The following STK39 variants were observed in gnomAD, a reference collection of about 807,000 sequenced individuals.
STK39 encodes the protein serine/threonine kinase 39.
In STK39, 20 loss-of-function variants were observed where a neutral mutation model predicts 77.8. That is an observed-to-expected ratio of 0.26 (90% CI 0.18 to 0.37). STK39 has a LOEUF of 0.37. STK39 is among the 10% of genes least tolerant of loss of function. The pLI, the probability that STK39 is intolerant of heterozygous loss-of-function variation, is 1.00. For missense variants in STK39, 479 were observed against 656.5 expected, an observed-to-expected ratio of 0.73 and a Z score of 2.95; for synonymous variants, 246 against 234.1, an observed-to-expected ratio of 1.05 and a Z score of -0.47.
chr2:168,182,167 A>T (rs1458499096), intron 1 of STK39, 77 bp from the exon 2 acceptor site: 5 of 1,263,216 alleles, frequency 4.0e-6, no homozygotes, highest in Non-Finnish European at 5.7e-6. Flanking sequence ...TTTCCTAAAG[A>T]TCAATTTTTT....
intron 14 of STK39, among the ~76,000 whole-genome samples, chr2:168,026,449 A>G (rs532230625): frequency 6.6e-6 from 1 of 152,344 alleles, no homozygotes; most frequent in South Asian, 2.1e-4. Flanking sequence ...AAGGAGATTA[A>G]GTGGCTTGTC....
chr2:168,187,648 T>C (rs1574539036), intron 1 of STK39, among the ~76,000 whole-genome samples: 1 of 152,376 alleles, frequency 6.6e-6, no homozygotes. Flanking sequence ...ACTGGTGTCC[T>C]GTCAATCTGT....
chr2:168,072,724 T>C (rs1239966094), intron 12 of STK39, among the ~76,000 whole-genome samples: 1 of 152,224 alleles, frequency 6.6e-6, no homozygotes, highest in African/African-American at 2.4e-5. Flanking sequence ...AATAAAATAC[T>C]TCATGCTTTG....
At chr2:168,223,013 T>C (rs1212935691) in intron 1 of STK39, among the ~76,000 whole-genome samples, 1 of 152,194 alleles carries the variant, frequency 6.6e-6, no homozygotes, top group Admixed American at 6.5e-5. Flanking sequence ...ATTCATGATC[T>C]TTAATCCTTA....
chr2:168,153,873 G>A (rs1378005110), intron 5 of STK39, among the ~76,000 whole-genome samples: 1 of 152,160 alleles, frequency 6.6e-6, no homozygotes, highest in African/African-American at 2.4e-5. Context: ...GCCACCTTAA[G>A]GATTTTGACT....
At chr2:168,000,370 CT>C (rs1390858861) in intron 16 of STK39, among the ~76,000 whole-genome samples, 1 of 152,092 alleles carries the variant, frequency 6.6e-6, no homozygotes. Context: ...TTTTCTTTTT[CT>C]TTTTAAAAGA....
At chr2:168,066,665 T>C (rs757702621) in intron 12 of STK39, among the ~76,000 whole-genome samples, 1 of 152,212 alleles carries the variant, frequency 6.6e-6, no homozygotes, top group African/African-American at 2.4e-5. Flanking sequence ...AAACTTCTCT[T>C]TCCCCTGGGA....
In STK39 at chr2:168,247,539, C is replaced by CCGCG; in HGVS notation, c.-105_-104insCGCG. On this transcript the variant is annotated 5_prime_UTR_variant, in exon 1 of 18. Coordinates refer to ENST00000355999, the MANE Select transcript of STK39 (RefSeq NM_013233.3). ...ACACCTCTCGGCCGGCGCACGCCCT[C>CCGCG]CCCGCCCGCCGCCGCCGCCGCCGTC... 1 of 955,128 alleles carries CCGCG rather than the reference C, an allele frequency of 1.0e-6. No individual in the cohort carries two copies. Among genetic ancestry groups the CCGCG allele is most frequent in the Non-Finnish European group, 1.3e-6 (1 of 777,016 alleles). 59.2% of individuals were successfully genotyped at this position (955,128 alleles called of 1,614,324 possible). A position where few individuals can be genotyped will look rare whatever the true frequency, so the allele number is the denominator to read the frequency against.
chr2:168,115,119 C>T (rs1280870790), intron 10 of STK39, among the ~76,000 whole-genome samples: 1 of 152,142 alleles, frequency 6.6e-6, no homozygotes, highest in Non-Finnish European at 1.5e-5. Flanking sequence ...TACTGAAAGT[C>T]TCAAGGTTGC....
chr2:168,032,804 C>T (rs968899714), intron 14 of STK39, among the ~76,000 whole-genome samples: 2 of 152,208 alleles, frequency 1.3e-5, no homozygotes, highest in African/African-American at 4.8e-5. Flanking sequence ...ATAAGAGGGC[C>T]CTTTCCCCGA....
At chr2:168,031,765 T>C (rs1216475687) in intron 14 of STK39, among the ~76,000 whole-genome samples, 2 of 152,216 alleles carry the variant, frequency 1.3e-5, no homozygotes, top group African/African-American at 2.4e-5. Context: ...CGTAGACTTC[T>C]AGGCGCCAGA....
intron 1 of STK39, among the ~76,000 whole-genome samples, chr2:168,213,247 T>C (rs919469056): frequency 2.0e-5 from 3 of 152,238 alleles, no homozygotes; most frequent in Non-Finnish European, 4.4e-5. Context: ...AAACTATTTG[T>C]GTAGATTTAA....
intron 16 of STK39, among the ~76,000 whole-genome samples, chr2:167,972,739 C>T (rs1356827764): frequency 6.6e-6 from 1 of 152,104 alleles, no homozygotes; most frequent in African/African-American, 2.4e-5. Context: ...GATATTAAAG[C>T]TTTAACAGCC....
chr2:167,983,665 T>A (rs1009445261), intron 16 of STK39, among the ~76,000 whole-genome samples: 2 of 152,138 alleles, frequency 1.3e-5, no homozygotes, highest in South Asian at 4.2e-4. Context: ...ATTTGAGACA[T>A]CCTTACCCGT....
chr2:168,227,785 G>C (rs888106524), intron 1 of STK39, among the ~76,000 whole-genome samples: 1 of 152,132 alleles, frequency 6.6e-6, no homozygotes, highest in African/African-American at 2.4e-5. Context: ...AGCCTCCCGA[G>C]TAGCTGAGAC....
At chr2:168,014,122 T>A (rs943269801) in intron 15 of STK39, among the ~76,000 whole-genome samples, 23 of 152,196 alleles carry the variant, frequency 1.5e-4, no homozygotes, top group African/African-American at 4.8e-4. Context: ...TATATAGGAA[T>A]CTTACTAAAC....
intron 15 of STK39, among the ~76,000 whole-genome samples, chr2:168,013,820 GTGTGTGTGTGTGTGTA>G (rs1168498428): frequency 6.2e-3 from 452 of 73,342 alleles, no homozygotes; most frequent in Non-Finnish European, 0.014. Context: ...GTGTGTGTGT[GTGTGTGTGTGTGTGTA>G]TGTGTTTGCA....
intron 17 of STK39, among the ~76,000 whole-genome samples, chr2:167,962,094 T>C (rs1346025452): frequency 6.6e-6 from 1 of 152,204 alleles, no homozygotes; most frequent in Non-Finnish European, 1.5e-5. Flanking sequence ...CACAGTATCA[T>C]GACACTGCTG....
Position 167,954,574 on chromosome 2 carries a change from T to C in STK39, c.*922A>G, listed in dbSNP as rs941583084. The stretch of plus-strand genomic sequence containing the variant: ...GTATATAGTTAGCAATCTAACAGAA[T>C]GGCAACATTTTACATAGCATTCTAA... On this transcript the variant is annotated 3_prime_UTR_variant, in exon 18 of 18. Transcript: ENST00000355999. 5 of 152,632 alleles carry C rather than the reference T, an allele frequency of 3.3e-5. No homozygotes were observed. In the East Asian group the frequency reaches 7.7e-4, roughly 24 times the overall value. 9.5% of individuals were successfully genotyped at this position (152,632 alleles called of 1,614,324 possible). A position where few individuals can be genotyped will look rare whatever the true frequency, so the allele number is the denominator to read the frequency against.
Sources: gnomAD v4.1 joint callset for allele counts (sites outside exome capture counted in the v4.1 genomes callset) on GRCh38, gnomAD v4.1.1 for gene constraint, MANE v1.5 for transcripts, NCBI Gene and HGNC (gene_info 2026-07-23, HGNC 2026-07-21) for gene names.